The following TSPAN18 variants were observed in gnomAD, a reference collection of about 807,000 sequenced individuals.
The protein encoded by TSPAN18 is tetraspanin 18.
TSPAN18 carries 14 observed loss-of-function variants against 27.3 expected under a neutral mutation model. The ratio of observed to expected loss-of-function variants is 0.51; its 90% CI spans 0.34 to 0.80. TSPAN18 has a LOEUF of 0.80. Among genes scored for constraint, TSPAN18 ranks in the 30% least tolerant of loss-of-function variants. TSPAN18 has a pLI of 0.01. For missense variants in TSPAN18, 268 were observed against 323.9 expected (o/e 0.83, Z 1.32); for synonymous variants, 143 against 136.5 (o/e 1.05, Z -0.33).
intron 2 of TSPAN18, among the ~76,000 whole-genome samples, chr11:44,798,819 G>A (rs773287741): frequency 7.2e-5 from 11 of 152,184 alleles, no homozygotes; most frequent in Non-Finnish European, 1.3e-4. Context: ...GTGCATTTCA[G>A]GGATATGAAG....
intron 1 of TSPAN18, among the ~76,000 whole-genome samples, chr11:44,763,049 A>G (rs1855489314): frequency 6.6e-6 from 1 of 152,162 alleles, no homozygotes. Context: ...CAGTGGTGTA[A>G]CCTTGGGCAA....
At chr11:44,912,408 T>A (rs532957293) in intron 5 of TSPAN18, among the ~76,000 whole-genome samples, 1 of 151,656 alleles carries the variant, frequency 6.6e-6, no homozygotes, top group African/African-American at 2.4e-5. Flanking sequence ...TGTCTCTCTC[T>A]CCACTTCCCC....
chr11:44,773,910 G>A (rs943057302), intron 2 of TSPAN18, among the ~76,000 whole-genome samples: 1 of 152,096 alleles, frequency 6.6e-6, no homozygotes, highest in Non-Finnish European at 1.5e-5. Flanking sequence ...TGGAGAGCTG[G>A]GCACTAAAAG....
At chr11:44,759,910 T>C (rs1855413393) in intron 1 of TSPAN18, among the ~76,000 whole-genome samples, 1 of 151,586 alleles carries the variant, frequency 6.6e-6, no homozygotes, top group African/African-American at 2.4e-5. Flanking sequence ...GTTGAGAGAG[T>C]GGGAAGGTTT....
chr11:44,733,420 C>T (rs1854712398), intron 1 of TSPAN18, among the ~76,000 whole-genome samples: 1 of 152,184 alleles, frequency 6.6e-6, no homozygotes, highest in Non-Finnish European at 1.5e-5. Context: ...TGAGTCCACG[C>T]ATGGCAAGGG....
At chr11:44,803,161 G>A (rs1482681819) in intron 2 of TSPAN18, among the ~76,000 whole-genome samples, 1 of 152,212 alleles carries the variant, frequency 6.6e-6, no homozygotes, top group Non-Finnish European at 1.5e-5. Context: ...AGTGTTCGTG[G>A]ATGTAAACAG....
At position 44,766,480 on chromosome 11, in the gene TSPAN18, G is replaced by A. The variant is rs879021530; in HGVS notation, c.-153+1968G>A. Among the ~76,000 whole-genome samples the A allele has an allele frequency of 7.2e-5, 11 of 152,192 alleles. No individual in the cohort carries two copies. The Middle Eastern group carries it at 0.01, about 141-fold the overall frequency. On this transcript the variant is annotated intron_variant, in intron 2 of 9. Transcript: ENST00000520358. ...CCAGTATTCTTAATCTGGAGAAGGCGCTGAAGTGAGTCAGAAAAACCTTCC... is the reference window on the plus strand; with the variant it reads ...CCAGTATTCTTAATCTGGAGAAGGCACTGAAGTGAGTCAGAAAAACCTTCC...
chr11:44,809,342 T>A (rs1485700876), intron 2 of TSPAN18, among the ~76,000 whole-genome samples: 2 of 151,694 alleles, frequency 1.3e-5, no homozygotes, highest in Non-Finnish European at 2.9e-5. Context: ...GGCACAAGCT[T>A]CTTCATTCTG....
At chr11:44,903,992 A>T in intron 3 of TSPAN18, 1 of 402,246 alleles carries the variant, frequency 2.5e-6, no homozygotes, top group South Asian at 1.8e-5. Context: ...TGCTCAATAA[A>T]TAGTATTATT....
intron 1 of TSPAN18, among the ~76,000 whole-genome samples, chr11:44,762,708 T>G (rs1363512435): frequency 6.6e-6 from 1 of 152,134 alleles, no homozygotes; most frequent in Non-Finnish European, 1.5e-5. Context: ...TGGTTCATGA[T>G]GCATGAGGTC....
intron 2 of TSPAN18, among the ~76,000 whole-genome samples, chr11:44,852,266 C>A (rs1857625411): frequency 6.6e-6 from 1 of 152,162 alleles, no homozygotes. Flanking sequence ...TTAAAGAGGC[C>A]TTGGTGAAGA....
At chr11:44,826,915 G>A (rs183496547) in intron 2 of TSPAN18, among the ~76,000 whole-genome samples, 127 of 152,296 alleles carry the variant, frequency 8.3e-4, no homozygotes, top group African/African-American at 2.4e-3. Context: ...TGACCTGTTG[G>A]TGCCTGTGCC....
chr11:44,837,106 CATAG>C (rs1289217103), intron 2 of TSPAN18, among the ~76,000 whole-genome samples: 2 of 152,176 alleles, frequency 1.3e-5, no homozygotes, highest in African/African-American at 4.8e-5. Context: ...CTATAGCAGC[CATAG>C]ATAGTGATTC....
intron 2 of TSPAN18, among the ~76,000 whole-genome samples, chr11:44,827,812 A>G (rs1473002528): frequency 1.3e-5 from 2 of 152,182 alleles, no homozygotes; most frequent in Non-Finnish European, 2.9e-5. Context: ...GAATTGTGCA[A>G]AAGATGTTGG....
intron 5 of TSPAN18, 53 bp from the exon 6 acceptor site, chr11:44,917,919 G>A (rs1021863000): frequency 8.9e-6 from 14 of 1,572,816 alleles, no homozygotes; most frequent in South Asian, 1.1e-5. Flanking sequence ...GCCAGTGGCC[G>A]CCCCATCCCC....
intron 2 of TSPAN18, among the ~76,000 whole-genome samples, chr11:44,811,526 C>A (rs909038693): frequency 6.7e-6 from 1 of 150,306 alleles, no homozygotes; most frequent in Non-Finnish European, 1.5e-5. Flanking sequence ...ATGGCACAAT[C>A]TCGGCTCACT....
intron 4 of TSPAN18, among the ~76,000 whole-genome samples, chr11:44,907,150 C>T (rs563146090): frequency 3.3e-5 from 5 of 152,178 alleles, no homozygotes; most frequent in South Asian, 4.1e-4. Context: ...GGGACAGCCC[C>T]GGACATTCAG....
At chr11:44,896,339 G>A (rs138526579) in intron 3 of TSPAN18, among the ~76,000 whole-genome samples, 18 of 152,246 alleles carry the variant, frequency 1.2e-4, no homozygotes, top group African/African-American at 4.3e-4. Context: ...GTGTGATGTT[G>A]GACAAGTCAA....
At chr11:44,902,660 C>T (rs1859304962) in intron 3 of TSPAN18, among the ~76,000 whole-genome samples, 1 of 152,184 alleles carries the variant, frequency 6.6e-6, no homozygotes, top group Admixed American at 6.5e-5. Flanking sequence ...TCTGGGAGGG[C>T]AGGGCCTGGA....
Sources: allele counts gnomAD v4.1 joint callset (sites outside exome capture counted in the v4.1 genomes callset), GRCh38; gene constraint gnomAD v4.1.1; transcripts MANE v1.5; gene names NCBI Gene and HGNC (gene_info 2026-07-23, HGNC 2026-07-21).